The following CNTN3 variants were observed in gnomAD, a reference collection of about 807,000 sequenced individuals.
CNTN3 encodes contactin-3.
In CNTN3, 60 loss-of-function variants were observed where a neutral mutation model predicts 119.1. The observed-to-expected ratio is 0.50, with a 90% CI of 0.41 to 0.62. The LOEUF (loss-of-function observed/expected upper bound fraction) is 0.62. Ranked by LOEUF, CNTN3 falls within the 20% of genes least tolerant of loss-of-function variation. The pLI is 0.00. For missense variants in CNTN3, 1,101 were observed against 1,242.4 expected (o/e 0.89, Z 1.71); for synonymous variants, 450 against 438.7 (o/e 1.03, Z -0.32).
intron 4 of CNTN3, among the ~76,000 whole-genome samples, chr3:74,441,348 C>G (rs1201599419): frequency 1.3e-5 from 2 of 152,118 alleles, no homozygotes; most frequent in Non-Finnish European, 2.9e-5. Flanking sequence ...CAGTATACCT[C>G]TGAATATGCA....
chr3:74,364,881 A>G (rs551465713), intron 9 of CNTN3, among the ~76,000 whole-genome samples: 2 of 152,314 alleles, frequency 1.3e-5, no homozygotes, highest in South Asian at 4.1e-4. Context: ...TTTCCCCTAC[A>G]GTTAAAGTTT....
chr3:74,284,801 A>G (rs1057494422), intron 20 of CNTN3, among the ~76,000 whole-genome samples: 2 of 152,184 alleles, frequency 1.3e-5, no homozygotes, highest in African/African-American at 4.8e-5. Context: ...CAACACTGAC[A>G]ACTCTGGTTA....
At chr3:74,547,969 T>C (rs1273941452) in intron 1 of CNTN3, among the ~76,000 whole-genome samples, 1 of 152,158 alleles carries the variant, frequency 6.6e-6, no homozygotes, top group Non-Finnish European at 1.5e-5. Flanking sequence ...TTTTCATGTA[T>C]ATTAGAAGGT....
At position 74,499,648 on chromosome 3, in the gene CNTN3, T is replaced by G; in HGVS notation, c.182+11A>C. On this transcript the variant is annotated intron_variant, in intron 3 of 22. Transcript: ENST00000263665. The stretch of plus-strand genomic sequence containing the variant: ...TTTTTTTTATTTGAATTTTCAAACT[T>G]TTCACTGTACCTGTAATGAGGTGAT... The G allele has an allele frequency of 6.3e-7, 1 of 1,586,230 alleles. No individual in the cohort carries two copies. The highest frequency in any genetic ancestry group is 1.4e-5 in the African/African-American group (1 of 73,132).
At chr3:74,315,003 C>CA (rs930640946) in intron 13 of CNTN3, among the ~76,000 whole-genome samples, 8 of 152,238 alleles carry the variant, frequency 5.3e-5, no homozygotes, top group South Asian at 4.1e-4. Flanking sequence ...ATTGGTAAAA[C>CA]AAAAATGTAG....
At chr3:74,540,515 A>G (rs1458046023) in intron 1 of CNTN3, among the ~76,000 whole-genome samples, 27 of 152,042 alleles carry the variant, frequency 1.8e-4, no homozygotes, top group Admixed American at 1.5e-3. Context: ...TTGAATATTT[A>G]CTTACTATAC....
chr3:74,361,097 G>T (rs559614057), intron 11 of CNTN3, among the ~76,000 whole-genome samples: 1 of 151,910 alleles, frequency 6.6e-6, no homozygotes, highest in East Asian at 1.9e-4. Context: ...ATAATCCCTG[G>T]CAATAAACAC....
chr3:74,429,694 A>T (rs1241251684), intron 4 of CNTN3, among the ~76,000 whole-genome samples: 1 of 152,108 alleles, frequency 6.6e-6, no homozygotes, highest in Admixed American at 6.6e-5. Flanking sequence ...AAGAGGATGT[A>T]AAGAAAAGCT....
At chr3:74,333,745 A>G (rs549621266) in intron 13 of CNTN3, among the ~76,000 whole-genome samples, 1 of 152,294 alleles carries the variant, frequency 6.6e-6, no homozygotes, top group African/African-American at 2.4e-5. Flanking sequence ...CCATCCTTTA[A>G]GTTGCATATG....
intron 4 of CNTN3, among the ~76,000 whole-genome samples, chr3:74,441,404 T>A (rs959358788): frequency 6.6e-6 from 1 of 152,190 alleles, no homozygotes; most frequent in Non-Finnish European, 1.5e-5. Context: ...AAATCCATAC[T>A]ACTTGTTTTC....
intron 1 of CNTN3, among the ~76,000 whole-genome samples, chr3:74,523,739 T>G (rs550022620): frequency 2.0e-5 from 3 of 151,878 alleles, no homozygotes; most frequent in Non-Finnish European, 4.4e-5. Context: ...AATAAATATA[T>G]GAAGCTCTGC....
At chr3:74,488,642 GTTTAT>G (rs1444331044) in intron 3 of CNTN3, among the ~76,000 whole-genome samples, 3 of 152,128 alleles carry the variant, frequency 2.0e-5, no homozygotes, top group East Asian at 1.9e-4. Flanking sequence ...ACTGCTCAAA[GTTTAT>G]TTTATCATTT....
intron 1 of CNTN3, among the ~76,000 whole-genome samples, chr3:74,525,162 C>A: frequency 6.6e-6 from 1 of 151,660 alleles, no homozygotes; most frequent in Non-Finnish European, 1.5e-5. Flanking sequence ...CATTTTGCAA[C>A]ATACCAATGT....
chr3:74,501,773 CAG>C (rs1319271649), intron 2 of CNTN3, among the ~76,000 whole-genome samples: 1 of 116,902 alleles, frequency 8.6e-6, no homozygotes, highest in Non-Finnish European at 1.7e-5. Context: ...TTTCATCTAT[CAG>C]GGGAAATTGC....
At chr3:74,507,901 G>A (rs1014010429) in intron 2 of CNTN3, among the ~76,000 whole-genome samples, 1 of 151,504 alleles carries the variant, frequency 6.6e-6, no homozygotes, top group Admixed American at 6.6e-5. Flanking sequence ...CAAAGTGCTA[G>A]GATTATAGGC....
At chr3:74,411,751 T>G (rs1218132266) in intron 5 of CNTN3, among the ~76,000 whole-genome samples, 1 of 152,100 alleles carries the variant, frequency 6.6e-6, no homozygotes, top group Non-Finnish European at 1.5e-5. Context: ...CCAACTGTAT[T>G]TCACGTTATC....
At chr3:74,491,374 G>A (rs1702960786) in intron 3 of CNTN3, among the ~76,000 whole-genome samples, 1 of 151,962 alleles carries the variant, frequency 6.6e-6, no homozygotes, top group Non-Finnish European at 1.5e-5. Flanking sequence ...GTGATGGCAT[G>A]TGCTTGTAGT....
intron 4 of CNTN3, among the ~76,000 whole-genome samples, chr3:74,437,702 T>G (rs1180204169): frequency 6.6e-6 from 1 of 152,118 alleles, no homozygotes; most frequent in Non-Finnish European, 1.5e-5. Context: ...TGTGTGTGTG[T>G]GTGTATATAT....
chr3:74,268,720 A>G (rs887065407), intron 20 of CNTN3, among the ~76,000 whole-genome samples: 14 of 152,158 alleles, frequency 9.2e-5, no homozygotes, highest in African/African-American at 3.4e-4. Flanking sequence ...ACTAATGACC[A>G]TGTTCTGGTT....
Sources: allele counts gnomAD v4.1 joint callset (sites outside exome capture counted in the v4.1 genomes callset), GRCh38; gene constraint gnomAD v4.1.1; transcripts MANE v1.5; gene names NCBI Gene and HGNC (gene_info 2026-07-23, HGNC 2026-07-21).